ACTR8: variants seen among roughly 807,000 people sequenced by gnomAD.
ACTR8 encodes the protein actin related protein 8.
In ACTR8, 70 loss-of-function variants were observed where a neutral mutation model predicts 84.3. That is an observed-to-expected ratio of 0.83 (90% CI 0.68 to 1.01). The LOEUF is 1.01. Ranked by LOEUF, ACTR8 falls within the 50% of genes least tolerant of loss-of-function variation. ACTR8 has a pLI of 0.00. For synonymous variants in ACTR8, 268 were observed against 275.2 expected (o/e 0.97, Z 0.26); for missense variants, 672 against 775.4 (o/e 0.87, Z 1.58).
intron 4 of ACTR8, 72 bp downstream of exon 4, chr3:53,877,575 G>C: frequency 6.7e-7 from 1 of 1,487,004 alleles, no homozygotes; most frequent in Non-Finnish European, 9.3e-7. Context: ...AGGACTGGGT[G>C]GCAACGTAAA....
downstream of ACTR8, among the ~76,000 whole-genome samples, chr3:53,863,396 A>G (rs1001934906): frequency 1.6e-4 from 24 of 150,282 alleles, no homozygotes; most frequent in Admixed American, 4.7e-4. Context: ...AGGCAGAGCT[A>G]TTAAAAAAAC....
chr3:53,865,594 A>C, downstream of ACTR8: 1 of 358,284 alleles, frequency 2.8e-6, no homozygotes, highest in Non-Finnish European at 5.1e-6. Flanking sequence ...TCTTCAGCCA[A>C]ACATCTAGTC....
downstream of ACTR8, among the ~76,000 whole-genome samples, chr3:53,862,812 T>G (rs1231892692): frequency 6.6e-6 from 1 of 152,188 alleles, no homozygotes; most frequent in Non-Finnish European, 1.5e-5. Context: ...AAGCAAGTGG[T>G]GGAGGAAGGA....
chr3:53,880,030 G>A lies in ACTR8; in HGVS notation c.203C>T (p.Pro68Leu), dbSNP rs1475099266. 1 of 1,614,184 alleles carries A rather than the reference G, an allele frequency of 6.2e-7. No homozygotes were observed. Among genetic ancestry groups the A allele is most frequent in the East Asian group, 2.2e-5 (1 of 44,888 alleles). The change falls in exon 2 of 13, where the codon CCT becomes CTT. Residue 68 changes from proline to leucine, a missense_variant. Coordinates refer to ENST00000335754, the MANE Select transcript of ACTR8 (RefSeq NM_022899.5). ...LRIGRATDTL[P>L]ASIPHVIARR... is the part of the protein sequence containing the mutation. ...GGCAATGACGTGAGGAATGCTGGCAGGAAGAGTGTCTGTGGCTCGACCAAT... is the reference window on the plus strand; with the variant it reads ...GGCAATGACGTGAGGAATGCTGGCAAGAAGAGTGTCTGTGGCTCGACCAAT...
chr3:53,873,767 C>T (rs1397862037), intron 8 of ACTR8, among the ~76,000 whole-genome samples: 1 of 152,210 alleles, frequency 6.6e-6, no homozygotes, highest in Non-Finnish European at 1.5e-5. Context: ...AGGGCTTTCA[C>T]CTGCAGGCTT....
chr3:53,868,540 G>T lies in ACTR8; in HGVS notation c.*179C>A. 3 of 911,568 alleles carry T rather than the reference G, an allele frequency of 3.3e-6. No homozygotes were observed. The highest frequency in any genetic ancestry group is 4.9e-6 in the Non-Finnish European group (3 of 618,440). The allele number at this position is 911,568 out of a possible 1,614,324, so 56.5% of individuals were successfully genotyped here. A position where few individuals can be genotyped will look rare whatever the true frequency, so the allele number is the denominator to read the frequency against. ...TATTCTCAAATGCCCTGACTAAACT[G>T]CTCAAAAGCAGTTTATATTTTCAAA... On this transcript the variant is annotated 3_prime_UTR_variant, in exon 13 of 13. Coordinates refer to ENST00000335754, the MANE Select transcript of ACTR8 (RefSeq NM_022899.5).
At chr3:53,879,805 A>C (rs1700030684) in intron 2 of ACTR8, 134 bp downstream of exon 2, 2 of 944,210 alleles carry the variant, frequency 2.1e-6, no homozygotes, top group Non-Finnish European at 3.1e-6. Flanking sequence ...TCTGATGAAA[A>C]ATTAGTGACA....
chr3:53,860,741 G>T, the ACTR8 span: 1 of 151,806 alleles, frequency 6.6e-6, no homozygotes, highest in Admixed American at 6.6e-5. Flanking sequence ...GATGAAACTC[G>T]GATGAACTTT....
intron 8 of ACTR8, 134 bp from the exon 9 acceptor site, chr3:53,873,261 A>G (rs928495521): frequency 7.9e-6 from 4 of 509,222 alleles, no homozygotes; most frequent in Admixed American, 3.3e-5. Context: ...CACTCACACT[A>G]TAATTTAGTA....
rs199774315 is a variant in ACTR8 at position 53,871,211 on chromosome 3, G to T, written c.1567+21C>A. The T allele has an allele frequency of 5.0e-6, 8 of 1,599,006 alleles. No individual in the cohort carries two copies. In the East Asian group the frequency reaches 1.8e-4, roughly 36 times the overall value. On this transcript the variant is annotated intron_variant, in intron 11 of 12. Transcript: ENST00000335754. ...CTATCTTGTTTCACTGCTATCTCCC[G>T]GTCTCCCCAGATGTGCTTACAACAG... is the stretch of plus-strand genomic sequence containing the variant.
chr3:53,865,201 C>G (rs772985238), downstream of ACTR8: 7 of 1,614,052 alleles, frequency 4.3e-6, no homozygotes, highest in East Asian at 1.3e-4. Flanking sequence ...CAAGTACCAC[C>G]TCATGAAGGA....
chr3:53,880,152 G>A (rs776686242), intron 1 of ACTR8, 43 bp from the exon 2 acceptor site: 1 of 1,573,336 alleles, frequency 6.4e-7, no homozygotes, highest in Non-Finnish European at 8.7e-7. Context: ...TAAATAATAT[G>A]CAGGTAACAA....
intron 1 of ACTR8, 181 bp downstream of exon 1, chr3:53,881,798 C>G (rs535924189): frequency 6.0e-6 from 6 of 1,001,058 alleles, no homozygotes; most frequent in East Asian, 2.6e-5. Context: ...CGCTCCGCAC[C>G]TCCCAGCCCT....
intron 6 of ACTR8, 132 bp downstream of exon 6, chr3:53,876,488 C>T: frequency 1.6e-6 from 1 of 637,864 alleles, no homozygotes; most frequent in Non-Finnish European, 2.7e-6. Context: ...CACTGCACTC[C>T]AGCCTGGGCG....
chr3:53,876,082 T>TC lies in ACTR8; in HGVS notation c.779-3_779-2insG, dbSNP rs370490982. On this transcript the variant is annotated splice_region_variant and splice_polypyrimidine_tract_variant and intron_variant, in intron 6 of 12. Coordinates refer to ENST00000335754, the MANE Select transcript of ACTR8 (RefSeq NM_022899.5). ...CAGACTCCTGATGGACCACAATCCC[T>TC]GGGGGGGGAAAAGAAAAGGCAGAGT... 6 of 1,578,916 alleles carry TC rather than the reference T, an allele frequency of 3.8e-6. No homozygotes were observed. In the Admixed American group the frequency reaches 6.9e-5, roughly 18 times the overall value.
At chr3:53,881,892 T>TCC in intron 1 of ACTR8, 87 bp downstream of exon 1, 1 of 1,538,292 alleles carries the variant, frequency 6.5e-7, no homozygotes, top group Non-Finnish European at 8.8e-7. Context: ...CAAGGGGGAC[T>TCC]CGAAGCCTCC....
At chr3:53,865,771 T>C (rs6798958), downstream of ACTR8, 10,025 of 154,524 alleles carry the variant, frequency 0.065, 748 homozygotes, top group African/African-American at 0.17. Flanking sequence ...ATAACAAAAG[T>C]AGGGAATAAA....
intron 1 of ACTR8, 126 bp downstream of exon 1, chr3:53,881,853 G>T: frequency 7.1e-7 from 1 of 1,398,774 alleles, no homozygotes; most frequent in African/African-American, 1.9e-5. Flanking sequence ...GACCGCTTCC[G>T]CACTCCCCCC....
At chr3:53,875,684 T>C (rs966989941) in intron 7 of ACTR8, among the ~76,000 whole-genome samples, 3 of 152,226 alleles carry the variant, frequency 2.0e-5, no homozygotes, top group Non-Finnish European at 4.4e-5. Flanking sequence ...GTTTCCCCTA[T>C]GGGAAAGCGC....
Sources: gnomAD v4.1 joint callset for allele counts (sites outside exome capture counted in the v4.1 genomes callset) on GRCh38, gnomAD v4.1.1 for gene constraint, MANE v1.5 for transcripts, NCBI Gene and HGNC (gene_info 2026-07-23, HGNC 2026-07-21) for gene names.